Variants in RPL39L observed in about 807,000 individuals in gnomAD.
RPL39L encodes the protein ribosomal protein eL39-like 2.
For missense variants in RPL39L, 48 were observed against 58.9 expected (o/e 0.81, Z 0.61); for synonymous variants, 16 against 20.1 (o/e 0.80, Z 0.55).
rs1720644953 is a variant in RPL39L, at chr3:187,139,252, A to T, written c.-132T>A. 1.3e-5 allele frequency: 2 copies of T among 152,304 alleles called. No individual in the cohort carries two copies. The highest frequency in any genetic ancestry group is 4.8e-5 in the African/African-American group (2 of 41,414). 9.4% of individuals were successfully genotyped at this position (152,304 alleles called of 1,614,324 possible). ...CTGCTTTTTTCCCACTCTAGGACGC[A>T]AATCTCGATCTGCAAGGGCCTGGGG... On this transcript the variant is annotated 5_prime_UTR_variant, in exon 1 of 3. Transcript: ENST00000296277.
chr3:187,131,785 TAACA>T (rs1321509664), intron 1 of RPL39L, among the ~76,000 whole-genome samples: 1 of 152,234 alleles, frequency 6.6e-6, no homozygotes, highest in Non-Finnish European at 1.5e-5. Flanking sequence ...GCTTGGCACA[TAACA>T]AACACAATAC....
At chr3:187,138,958 C>G (rs754842566) in intron 1 of RPL39L, among the ~76,000 whole-genome samples, 4 of 152,186 alleles carry the variant, frequency 2.6e-5, no homozygotes, top group Non-Finnish European at 5.9e-5. Flanking sequence ...ACTCAGGAGG[C>G]TAAGGCGGGA....
chr3:187,122,411 T>C (rs557112018), intron 2 of RPL39L, among the ~76,000 whole-genome samples: 3 of 151,782 alleles, frequency 2.0e-5, no homozygotes, highest in African/African-American at 7.3e-5. Context: ...TCTAAGATAA[T>C]GGGGATAGTG....
chr3:187,136,872 T>C (rs895222829), intron 1 of RPL39L, among the ~76,000 whole-genome samples: 1 of 152,078 alleles, frequency 6.6e-6, no homozygotes, highest in African/African-American at 2.4e-5. Flanking sequence ...CATTTAAGCA[T>C]GTAATTAATA....
intron 1 of RPL39L, among the ~76,000 whole-genome samples, chr3:187,138,464 G>C (rs1445057676): frequency 1.3e-5 from 2 of 152,162 alleles, no homozygotes; most frequent in Non-Finnish European, 2.9e-5. Context: ...GACCTTAAAG[G>C]AGACTGCAAA....
intron 1 of RPL39L, among the ~76,000 whole-genome samples, chr3:187,129,205 G>T (rs1720447310): frequency 2.0e-5 from 3 of 152,164 alleles, no homozygotes; most frequent in African/African-American, 7.2e-5. Flanking sequence ...TATAGCTCAG[G>T]ATAAAAGAGG....
intron 1 of RPL39L, among the ~76,000 whole-genome samples, chr3:187,136,765 T>G (rs887017066): frequency 1.3e-5 from 2 of 152,180 alleles, no homozygotes; most frequent in African/African-American, 4.8e-5. Context: ...CCACATATAG[T>G]TACAATTTAA....
chr3:187,136,141 G>A (rs1248465830), intron 1 of RPL39L, among the ~76,000 whole-genome samples: 1 of 152,186 alleles, frequency 6.6e-6, no homozygotes, highest in East Asian at 1.9e-4. Flanking sequence ...AACTAATGGA[G>A]ACTGCTCAAG....
At chr3:187,137,868 G>A (rs1479283751) in intron 1 of RPL39L, among the ~76,000 whole-genome samples, 3 of 151,714 alleles carry the variant, frequency 2.0e-5, no homozygotes, top group Non-Finnish European at 2.9e-5. Context: ...GCTGGTGTGC[G>A]TTTTAACATT....
chr3:187,135,146 CA>C (rs1253693754), intron 1 of RPL39L, among the ~76,000 whole-genome samples: 1 of 152,214 alleles, frequency 6.6e-6, no homozygotes, highest in Non-Finnish European at 1.5e-5. Context: ...GGGGCAATCT[CA>C]TTTCAGTCAC....
intron 1 of RPL39L, among the ~76,000 whole-genome samples, chr3:187,131,574 C>T (rs1177510122): frequency 6.6e-6 from 1 of 152,142 alleles, no homozygotes; most frequent in Non-Finnish European, 1.5e-5. Context: ...AACAAAAGAA[C>T]TGTGGAAACA....
intron 2 of RPL39L, 77 bp downstream of exon 2, chr3:187,127,922 A>C (rs1270834778): frequency 6.6e-6 from 1 of 152,252 alleles, no homozygotes; most frequent in East Asian, 1.9e-4. Flanking sequence ...AACTATCTTA[A>C]ATTTTTAACA....
At chr3:187,121,392 T>C in intron 2 of RPL39L, 64 bp from the exon 3 acceptor site, 2 of 1,463,596 alleles carry the variant, frequency 1.4e-6, no homozygotes, top group Non-Finnish European at 1.9e-6. Flanking sequence ...TAAGGTAACA[T>C]GAAGAAATAA....
intron 2 of RPL39L, among the ~76,000 whole-genome samples, chr3:187,121,796 T>C (rs1720314219): frequency 3.3e-5 from 5 of 152,214 alleles, no homozygotes; most frequent in Admixed American, 3.3e-4. Flanking sequence ...AAGACAGATG[T>C]ACATGCAGAA....
At position 187,121,135 on chromosome 3, in the gene RPL39L, G is replaced by A. The variant is rs371711435; in HGVS notation, c.*10C>T. 4 of 1,612,796 alleles carry A rather than the reference G, an allele frequency of 2.5e-6. No homozygotes were observed. The highest frequency in any genetic ancestry group is 1.1e-5 in the South Asian group (1 of 91,034). On this transcript the variant is annotated 3_prime_UTR_variant, in exon 3 of 3. Coordinates refer to ENST00000296277, the MANE Select transcript of RPL39L (RefSeq NM_052969.3). ...AGCATAAATATGTGTGCCATCTCAT[G>A]TGCAATTCCTTATAGACCCAGCTTG...
chr3:187,135,847 T>G (rs1309629451), intron 1 of RPL39L, among the ~76,000 whole-genome samples: 1 of 152,250 alleles, frequency 6.6e-6, no homozygotes. Flanking sequence ...CTGCTAGGCA[T>G]CTGATGCTTT....
intron 1 of RPL39L, among the ~76,000 whole-genome samples, chr3:187,129,282 C>T (rs776261528): frequency 6.6e-6 from 1 of 152,168 alleles, no homozygotes; most frequent in Non-Finnish European, 1.5e-5. Context: ...ATCTCCTAGG[C>T]GGATTTGGGG....
chr3:187,133,410 C>T (rs1720519516), intron 1 of RPL39L, among the ~76,000 whole-genome samples: 1 of 152,112 alleles, frequency 6.6e-6, no homozygotes, highest in South Asian at 2.1e-4. Context: ...CTAAGACGTG[C>T]TTTGCTTCCC....
At chr3:187,133,380 ACT>A (rs1378857393) in intron 1 of RPL39L, among the ~76,000 whole-genome samples, 2 of 150,798 alleles carry the variant, frequency 1.3e-5, no homozygotes, top group African/African-American at 2.4e-5. Context: ...TTCCCCCTTC[ACT>A]CTCTTTCCTG....
Sources: allele counts gnomAD v4.1 joint callset (sites outside exome capture counted in the v4.1 genomes callset), GRCh38; gene constraint gnomAD v4.1.1; transcripts MANE v1.5; gene names NCBI Gene and HGNC (gene_info 2026-07-23, HGNC 2026-07-21).